Variants in SRP19 observed in about 807,000 individuals in gnomAD.
SRP19 encodes signal recognition particle 19 kDa protein.
In SRP19, 11 loss-of-function variants were observed where a neutral mutation model predicts 22.4. The observed-to-expected ratio is 0.49, with a 90% CI of 0.31 to 0.81. SRP19 has a LOEUF of 0.81. Ranked by LOEUF, SRP19 falls within the 40% of genes least tolerant of loss-of-function variation. The probability of loss-of-function intolerance (pLI) is 0.05; values close to 1 mark genes in which losing one functional copy is unlikely to be tolerated. For synonymous variants in SRP19, 61 were observed against 57.6 expected, an observed-to-expected ratio of 1.06 and a Z score of -0.27; for missense variants, 168 against 175.9, an observed-to-expected ratio of 0.96 and a Z score of 0.25.
At chr5:112,862,665 G>C (rs1397882769) in intron 2 of SRP19, 82 bp downstream of exon 2, 4 of 1,213,062 alleles carry the variant, frequency 3.3e-6, no homozygotes, top group Non-Finnish European at 4.7e-6. Flanking sequence ...TGTTAGAGCC[G>C]CAGGGGGTTC....
intron 4 of SRP19, chr5:112,878,609 C>G (rs1318287770): frequency 3.3e-5 from 30 of 908,122 alleles, no homozygotes; most frequent in Non-Finnish European, 4.5e-5. Context: ...TAAAGTGCTC[C>G]CTATATATAT....
exon 5 of SRP19, chr5:112,892,964 G>T: frequency 6.3e-7 from 1 of 1,594,798 alleles, no homozygotes; most frequent in Non-Finnish European, 8.6e-7. Context: ...GGCCGCCGGA[G>T]CCAGAGCCGC....
intron 4 of SRP19, among the ~76,000 whole-genome samples, chr5:112,880,492 T>A (rs456531): frequency 6.6e-6 from 1 of 152,104 alleles, no homozygotes; most frequent in Admixed American, 6.5e-5. Flanking sequence ...AGCTGCCTGA[T>A]AGTTGCTCTC....
chr5:112,888,597 A>G (rs1481363269), intron 4 of SRP19, among the ~76,000 whole-genome samples: 1 of 142,032 alleles, frequency 7.0e-6, no homozygotes, highest in Non-Finnish European at 1.5e-5. Context: ...CTAATTTTTT[A>G]TAACTTTTTT....
chr5:112,894,268 T>C (rs1456167554), downstream of SRP19: 1 of 152,142 alleles, frequency 6.6e-6, no homozygotes, highest in Non-Finnish European at 1.5e-5. Context: ...TACAGGCGCA[T>C]GCCACCGTGC....
chr5:112,872,841 A>C (rs1767787151), downstream of SRP19, among the ~76,000 whole-genome samples: 1 of 152,192 alleles, frequency 6.6e-6, no homozygotes, highest in African/African-American at 2.4e-5. Flanking sequence ...GATCTTCCCC[A>C]GAAAAGTGCA....
chr5:112,875,873 C>A (rs991135929), intron 4 of SRP19, among the ~76,000 whole-genome samples: 1 of 151,720 alleles, frequency 6.6e-6, no homozygotes, highest in Non-Finnish European at 1.5e-5. Flanking sequence ...GGTGAAACCC[C>A]GTCTCTACTA....
chr5:112,867,046 T>G (rs899646241), intron 4 of SRP19, among the ~76,000 whole-genome samples: 1 of 152,192 alleles, frequency 6.6e-6, no homozygotes, highest in African/African-American at 2.4e-5. Context: ...ACCCTGTATT[T>G]CAGTGTCTTA....
At chr5:112,866,396 G>A (rs1044825191) in intron 4 of SRP19, among the ~76,000 whole-genome samples, 6 of 152,146 alleles carry the variant, frequency 3.9e-5, no homozygotes, top group Non-Finnish European at 5.9e-5. Flanking sequence ...GATTATAGGC[G>A]TGAGCCACTG....
At chr5:112,894,728 A>G (rs1322870963), downstream of SRP19, 1 of 152,224 alleles carries the variant, frequency 6.6e-6, no homozygotes, top group Non-Finnish European at 1.5e-5. Flanking sequence ...ATTTTGCTGT[A>G]TTTTATTAAT....
At chr5:112,892,645 G>A (rs367546257) in exon 5 of SRP19, 2 of 1,614,130 alleles carry the variant, frequency 1.2e-6, no homozygotes, top group East Asian at 2.2e-5. Flanking sequence ...CTTTCTTCAT[G>A]TGTTCAGAAA....
downstream of SRP19, among the ~76,000 whole-genome samples, chr5:112,870,652 C>A (rs1300178544): frequency 6.6e-6 from 1 of 152,044 alleles, no homozygotes; most frequent in South Asian, 2.1e-4. Flanking sequence ...AGAGGTGGAA[C>A]CTTTGGGAGG....
chr5:112,875,755 A>G (rs559370668), intron 4 of SRP19, among the ~76,000 whole-genome samples: 1 of 152,218 alleles, frequency 6.6e-6, no homozygotes, highest in East Asian at 1.9e-4. Context: ...TAAAAAGTTT[A>G]CTACATCAAA....
At chr5:112,895,514 G>A (rs905554792), downstream of SRP19, 1 of 152,046 alleles carries the variant, frequency 6.6e-6, no homozygotes, top group African/African-American at 2.4e-5. Context: ...CCACAGTTTT[G>A]TACCTCTTCA....
chr5:112,874,995 C>G (rs554434805), intron 4 of SRP19, among the ~76,000 whole-genome samples: 1 of 152,130 alleles, frequency 6.6e-6, no homozygotes, highest in South Asian at 2.1e-4. Flanking sequence ...AGGCTGGTCT[C>G]GAACTTCTGA....
chr5:112,898,113 ACTTC>A (rs1392610158), exon 4 of SRP19: 14 of 152,238 alleles, frequency 9.2e-5, no homozygotes, highest in African/African-American at 3.4e-4. Flanking sequence ...TCTTTCCCAC[ACTTC>A]CAGTCAGCAT....
downstream of SRP19, among the ~76,000 whole-genome samples, chr5:112,870,765 T>C (rs1198742124): frequency 3.9e-5 from 6 of 152,180 alleles, no homozygotes; most frequent in Non-Finnish European, 4.4e-5. Context: ...TCTTTTGCTC[T>C]CCTCAGCGCA....
intron 4 of SRP19, among the ~76,000 whole-genome samples, chr5:112,881,784 G>A (rs1768083195): frequency 6.6e-6 from 1 of 151,868 alleles, no homozygotes; most frequent in Admixed American, 6.6e-5. Flanking sequence ...TATTTATTTA[G>A]AGACAGGGTC....
chr5:112,862,647 C>T (rs150555680), intron 2 of SRP19, 64 bp downstream of exon 2: 2 of 1,462,502 alleles, frequency 1.4e-6, no homozygotes, highest in East Asian at 4.6e-5. Flanking sequence ...GGTCGGGCCA[C>T]GTAATCTTGT....
Sources: gnomAD v4.1 joint callset for allele counts (sites outside exome capture counted in the v4.1 genomes callset) on GRCh38, gnomAD v4.1.1 for gene constraint, MANE v1.5 for transcripts, NCBI Gene and HGNC (gene_info 2026-07-23, HGNC 2026-07-21) for gene names.